The following BCOR variants were observed in gnomAD, a reference collection of about 807,000 sequenced individuals.
BCOR encodes the protein BCL6 corepressor, also known as BCL-6 corepressor.
In BCOR, 10 loss-of-function variants were observed where a neutral mutation model predicts 86.7. The ratio of observed to expected loss-of-function variants is 0.12; its 90% CI spans 0.07 to 0.20. BCOR has a LOEUF of 0.20. Among genes scored for constraint, BCOR ranks in the 10% least tolerant of loss-of-function variants. The pLI is 1.00. For synonymous variants in BCOR, 611 were observed against 609.0 expected, an observed-to-expected ratio of 1.00 and a Z score of -0.05; for missense variants, 1,259 against 1,452.1, an observed-to-expected ratio of 0.87 and a Z score of 2.16.
chrX:40,057,061 C>T, intron 11 of BCOR, 94 bp downstream of exon 11: 1 of 1,026,543 alleles, frequency 9.7e-7, no homozygotes, highest in East Asian at 3.1e-5. Flanking sequence ...GTCTTTCCTC[C>T]TGGAATTTCC....
chrX:40,080,744 C>T (rs943388318), intron 1 of BCOR, among the ~76,000 whole-genome samples: 4 of 109,367 alleles, frequency 3.7e-5, no homozygotes, highest in Non-Finnish European at 7.6e-5. Flanking sequence ...ATGATACCAG[C>T]CACCAGAACA....
intron 1 of BCOR, among the ~76,000 whole-genome samples, chrX:40,128,937 GTAC>G (rs1347391466): frequency 5.2e-5 from 5 of 95,879 alleles, no homozygotes; most frequent in African/African-American, 1.8e-4. Flanking sequence ...TACCTACTAT[GTAC>G]TTGTTGCATA....
chrX:40,064,473 G>A lies in BCOR; in HGVS notation c.3365C>T (p.Ser1122Leu), dbSNP rs775087931. The A allele has an allele frequency of 2.3e-5, 28 of 1,211,081 alleles. No individual in the cohort carries two copies. The highest frequency in any genetic ancestry group is 1.2e-4 in the South Asian group (7 of 56,909). ...VSEPPADQVA[S>L]DMPHSPTLRV... ...GAGGGTGGGGCTGTGAGGCATGTCCGAGGCCACCTGGTCTGCGGGAGGCTC... is the reference window on the plus strand; with the variant it reads ...GAGGGTGGGGCTGTGAGGCATGTCCAAGGCCACCTGGTCTGCGGGAGGCTC... The change falls in exon 7 of 15, where the codon TCG (serine) becomes TTG (leucine). Residue 1122 changes from serine to leucine, a missense_variant. This residue lies in a region of BCOR where 305 missense variants were observed against 286.1 expected (regional missense o/e 1.07). Transcript: ENST00000378444.
intron 1 of BCOR, among the ~76,000 whole-genome samples, chrX:40,122,071 T>G (rs748030099): frequency 9.0e-6 from 1 of 111,687 alleles, no homozygotes; most frequent in South Asian, 3.8e-4. Flanking sequence ...CTTCCAGCCC[T>G]CCAAGAACAG....
chrX:40,093,279 T>A (rs1008131102), intron 1 of BCOR, among the ~76,000 whole-genome samples: 2 of 112,029 alleles, frequency 1.8e-5, no homozygotes, highest in African/African-American at 3.3e-5. Flanking sequence ...ATCTGAGCAT[T>A]CGTACTACTT....
At chrX:40,150,518 G>A (rs1938146688) in intron 1 of BCOR, among the ~76,000 whole-genome samples, 1 of 112,182 alleles carries the variant, frequency 8.9e-6, no homozygotes, top group South Asian at 3.7e-4. Flanking sequence ...TAGAAGCGGA[G>A]GAAAGAGGTG....
intron 4 of BCOR, 171 bp downstream of exon 4, chrX:40,072,178 G>A: frequency 2.0e-6 from 1 of 500,882 alleles, no homozygotes; most frequent in African/African-American, 2.3e-5. Context: ...ACACGCCTCA[G>A]TGCTACCACT....
chrX:40,106,004 G>A (rs993261147), intron 1 of BCOR, among the ~76,000 whole-genome samples: 37 of 112,810 alleles, frequency 3.3e-4, no homozygotes, highest in Non-Finnish European at 6.6e-4. Flanking sequence ...GGCGGGGGAC[G>A]GGAGTAGGTC....
intron 1 of BCOR, among the ~76,000 whole-genome samples, chrX:40,121,270 C>T (rs781075701): frequency 4.5e-5 from 5 of 111,429 alleles, no homozygotes; most frequent in African/African-American, 1.3e-4. Context: ...CCGTTGCCAC[C>T]GGGAGCTGGC....
chrX:40,165,673 T>C (rs192028884), intron 1 of BCOR, among the ~76,000 whole-genome samples: 202 of 112,802 alleles, frequency 1.8e-3, no homozygotes, highest in Non-Finnish European at 2.9e-3. Context: ...GAGAGACCTG[T>C]GCCTAGCTAG....
intron 1 of BCOR, among the ~76,000 whole-genome samples, chrX:40,161,245 C>T (rs1233618706): frequency 1.9e-5 from 2 of 103,857 alleles, no homozygotes; most frequent in Non-Finnish European, 3.9e-5. Flanking sequence ...CTCACTCTGT[C>T]GCCCAGGCTG....
chrX:40,064,598 G>A lies in BCOR; in HGVS notation c.3240C>T (p.Cys1080=), dbSNP rs768536546. 20 of 1,209,955 alleles carry A rather than the reference G, an allele frequency of 1.7e-5. No homozygotes were observed. The highest frequency in any genetic ancestry group is 4.4e-5 in the Admixed American group (2 of 45,933). ...GGTGCTTGTTTCCAACACTATACTC[G>A]CCTGGGGGAGGGGAGACAAGAGGGC... ...AIAEQNESER[C]EYSVGNKHRD... Residue 1080 remains cysteine, a splice_region_variant and synonymous_variant, in exon 7 of 15, where the codon TGC becomes TGT. Transcript: ENST00000378444.
intron 6 of BCOR, among the ~76,000 whole-genome samples, chrX:40,069,721 C>T (rs1008939583): frequency 8.9e-6 from 1 of 112,215 alleles, no homozygotes; most frequent in African/African-American, 3.2e-5. Context: ...GTGGGGGCTG[C>T]GAGTTGGCAG....
At chrX:40,085,419 G>A (rs1936313283) in intron 1 of BCOR, among the ~76,000 whole-genome samples, 1 of 111,451 alleles carries the variant, frequency 9.0e-6, no homozygotes, top group South Asian at 3.8e-4. Context: ...CGTTTTGCAA[G>A]CAACATTCCT....
chrX:40,108,962 G>A (rs2147822630), intron 1 of BCOR, among the ~76,000 whole-genome samples: 1 of 113,083 alleles, frequency 8.8e-6, no homozygotes, highest in South Asian at 3.6e-4. Context: ...GGTCGAAGGA[G>A]GCCGACTGGA....
At chrX:40,107,910 C>T (rs1462807311) in intron 1 of BCOR, among the ~76,000 whole-genome samples, 1 of 113,599 alleles carries the variant, frequency 8.8e-6, no homozygotes. Context: ...AGGCGAAATC[C>T]TTATTGATGT....
chrX:40,128,392 A>G (rs953017148), intron 1 of BCOR, among the ~76,000 whole-genome samples: 2 of 111,570 alleles, frequency 1.8e-5, no homozygotes, highest in Non-Finnish European at 3.8e-5. Context: ...CAAAAAATAC[A>G]AAAATTAGCT....
chrX:40,057,464 G>A (rs1934656034), intron 10 of BCOR, 143 bp from the exon 11 acceptor site: 11 of 608,019 alleles, frequency 1.8e-5, no homozygotes, highest in Non-Finnish European at 2.6e-5. Context: ...GTCTTGGTGA[G>A]GGGGAAACAC....
chrX:40,165,812 G>C (rs1205008664), intron 1 of BCOR, among the ~76,000 whole-genome samples: 3 of 111,208 alleles, frequency 2.7e-5, no homozygotes, highest in Non-Finnish European at 5.7e-5. Context: ...CTTTGTTTGA[G>C]AGAGTCTCAC....
Sources: gnomAD v4.1 joint callset for allele counts (sites outside exome capture counted in the v4.1 genomes callset) on GRCh38, gnomAD v4.1.1 for gene constraint, gnomAD v4.1.1 regional missense constraint, MANE v1.5 for transcripts, NCBI Gene and HGNC (gene_info 2026-07-23, HGNC 2026-07-21) for gene names.